PLBD1: variants seen among roughly 807,000 people sequenced by gnomAD.
PLBD1 encodes lysosomal leucine aminopeptidase.
Under a neutral mutation model 63.0 loss-of-function variants are expected in PLBD1, and 60 were observed. The ratio of observed to expected loss-of-function variants is 0.95; its 90% CI spans 0.77 to 1.18. The LOEUF (loss-of-function observed/expected upper bound fraction) is 1.18, where lower values mean the gene tolerates loss of function less well. Among genes scored for constraint, PLBD1 ranks in the 50% most tolerant of loss-of-function variants. The pLI is 0.00. For synonymous variants in PLBD1, 262 were observed against 248.0 expected (o/e 1.06, Z -0.53); for missense variants, 598 against 677.9 (o/e 0.88, Z 1.31).
chr12:14,563,947 T>G (rs1198157841), intron 1 of PLBD1, among the ~76,000 whole-genome samples: 2 of 152,224 alleles, frequency 1.3e-5, no homozygotes, highest in Non-Finnish European at 2.9e-5. Flanking sequence ...GAAATAAGAA[T>G]GTCCTCAGAG....
intron 8 of PLBD1, among the ~76,000 whole-genome samples, chr12:14,508,062 A>G (rs1427624565): frequency 6.6e-6 from 1 of 152,214 alleles, no homozygotes; most frequent in Non-Finnish European, 1.5e-5. Context: ...AGAAAATGAT[A>G]AGACATTCAG....
intron 2 of PLBD1, among the ~76,000 whole-genome samples, chr12:14,545,025 C>T (rs1315583323): frequency 6.6e-6 from 1 of 152,018 alleles, no homozygotes; most frequent in Non-Finnish European, 1.5e-5. Flanking sequence ...CTCTCCCTCT[C>T]TCCCTCCCTC....
intron 6 of PLBD1, among the ~76,000 whole-genome samples, chr12:14,515,281 A>T (rs937319925): frequency 2.0e-5 from 3 of 152,172 alleles, no homozygotes; most frequent in African/African-American, 7.2e-5. Flanking sequence ...GGATTTCTGG[A>T]AAGGTAGAAG....
chr12:14,526,353 C>A (rs911984752), intron 6 of PLBD1, among the ~76,000 whole-genome samples: 1 of 152,154 alleles, frequency 6.6e-6, no homozygotes, highest in Non-Finnish European at 1.5e-5. Flanking sequence ...TACTTAAACC[C>A]GAAAGCAGGA....
In PLBD1 at chr12:14,553,402, A is replaced by G. The variant is rs191106304; in HGVS notation, c.126T>C (p.Tyr42=). The change falls in exon 2 of 11, where the codon TAT becomes TAC. Residue 42 remains tyrosine (Y), a synonymous_variant. Transcript: ENST00000240617. ...AEPPKPAGVY[Y]ATAYWMPAEK... Reference sequence around the variant, plus strand: ...CAGCAGGCATCCAGTATGCAGTTGCATAGTAGACTCCTAGAAGAAAAGGGA... The same window carrying G: ...CAGCAGGCATCCAGTATGCAGTTGCGTAGTAGACTCCTAGAAGAAAAGGGA... The G allele has an allele frequency of 1.2e-5, 20 of 1,613,706 alleles. No individual in the cohort carries two copies. The highest frequency in any genetic ancestry group is 1.2e-4 in the Admixed American group (7 of 59,998).
chr12:14,509,686 T>C (rs1945281600), intron 8 of PLBD1, among the ~76,000 whole-genome samples: 1 of 152,182 alleles, frequency 6.6e-6, no homozygotes, highest in South Asian at 2.1e-4. Context: ...CAGGTCCTGA[T>C]CCCTAGGGTC....
chr12:14,516,020 G>C (rs971691413), intron 6 of PLBD1, among the ~76,000 whole-genome samples: 1 of 151,272 alleles, frequency 6.6e-6, no homozygotes, highest in African/African-American at 2.4e-5. Flanking sequence ...CTGGGCAACA[G>C]AGCGAGACTC....
intron 4 of PLBD1, among the ~76,000 whole-genome samples, chr12:14,540,045 T>TACACACAC (rs1565577593): frequency 8.0e-5 from 5 of 62,704 alleles, no homozygotes; most frequent in African/African-American, 2.3e-4. Context: ...TATATATATA[T>TACACACAC]ATATATATAC....
At chr12:14,542,432 GCA>G (rs916548863) in intron 2 of PLBD1, 141 bp from the exon 3 acceptor site, 4 of 609,452 alleles carry the variant, frequency 6.6e-6, no homozygotes, top group East Asian at 2.8e-5. Context: ...CTTAATAAAT[GCA>G]CAGTTTCAAA....
At chr12:14,517,820 T>C (rs1251849725) in intron 6 of PLBD1, among the ~76,000 whole-genome samples, 2 of 152,340 alleles carry the variant, frequency 1.3e-5, no homozygotes, top group East Asian at 3.9e-4. Context: ...TAGAAGTTAA[T>C]GGTAGACAAC....
chr12:14,525,165 G>A (rs996204878), intron 6 of PLBD1, among the ~76,000 whole-genome samples: 1 of 152,170 alleles, frequency 6.6e-6, no homozygotes, highest in Non-Finnish European at 1.5e-5. Flanking sequence ...GGGAGGCTGA[G>A]GCAGGAGAAT....
intron 2 of PLBD1, among the ~76,000 whole-genome samples, chr12:14,551,320 G>C (rs1049248992): frequency 6.6e-6 from 1 of 152,066 alleles, no homozygotes; most frequent in Non-Finnish European, 1.5e-5. Context: ...CCGAGATTGC[G>C]CCACTGCACT....
chr12:14,533,377 TCTTGGAGATTCAATTGCTCC>T (rs1945482508), intron 6 of PLBD1: 2 of 152,266 alleles, frequency 1.3e-5, no homozygotes, highest in African/African-American at 4.8e-5. Context: ...TCTGTTGCTC[TCTTGGAGATTCAATTGCTCC>T]AAAAAGCTCT....
chr12:14,528,272 A>C (rs1294765180), intron 6 of PLBD1, among the ~76,000 whole-genome samples: 6 of 152,164 alleles, frequency 3.9e-5, no homozygotes, highest in Admixed American at 3.3e-4. Flanking sequence ...CAGAAGTACT[A>C]GAATTTACAT....
intron 2 of PLBD1, among the ~76,000 whole-genome samples, chr12:14,550,722 T>C (rs769318261): frequency 4.6e-5 from 7 of 151,858 alleles, no homozygotes; most frequent in Non-Finnish European, 1.0e-4. Context: ...CTACTAAAAA[T>C]ACAAAATTAG....
chr12:14,563,616 A>G (rs1451819525), intron 1 of PLBD1, among the ~76,000 whole-genome samples: 1 of 152,142 alleles, frequency 6.6e-6, no homozygotes, highest in Non-Finnish European at 1.5e-5. Flanking sequence ...GAGAAAAACA[A>G]CTTCAGTGGC....
intron 7 of PLBD1, 47 bp from the exon 8 acceptor site, chr12:14,511,447 T>C: frequency 1.2e-6 from 2 of 1,613,760 alleles, no homozygotes; most frequent in Non-Finnish European, 1.7e-6. Context: ...ATGACTTTAC[T>C]GGTTAACAAG....
Position 14,506,988 on chromosome 12 carries a change from A to C in PLBD1, c.1317T>G (p.Arg439=). The C allele has an allele frequency of 6.2e-7, 1 of 1,614,114 alleles. No homozygotes were observed. The highest frequency in any genetic ancestry group is 8.5e-7 in the Non-Finnish European group (1 of 1,180,002). The change falls in exon 9 of 11, where the codon CGT becomes CGG. Residue 439 remains arginine, a synonymous_variant. Transcript: ENST00000240617. ...CCGTATCAGTCACTTTCCCTTGGTC[A>C]CGCCGGAAAATTTTGGCTCGTGGAG... ...DLAPRAKIFR[R]DQGKVTDTAS...
At position 14,560,720 on chromosome 12, in the gene PLBD1, C is replaced by G. The variant is rs142179985; in HGVS notation, c.115+6862G>C. Among the ~76,000 whole-genome samples the G allele has an allele frequency of 4.8e-4, 73 of 152,318 alleles. 1 individual carries two copies. In the East Asian group the frequency reaches 0.014, roughly 29 times the overall value. Reference sequence around the variant, plus strand: ...GCAAGTAGGTGTTTAAGCCTTGGCTCTCTCCAGATATCAGAGACTAAGATG... The same window carrying G: ...GCAAGTAGGTGTTTAAGCCTTGGCTGTCTCCAGATATCAGAGACTAAGATG... On this transcript the variant is annotated intron_variant, in intron 1 of 10. Transcript: ENST00000240617.
Sources: gnomAD v4.1 joint callset for allele counts (sites outside exome capture counted in the v4.1 genomes callset) on GRCh38, gnomAD v4.1.1 for gene constraint, MANE v1.5 for transcripts, NCBI Gene and HGNC (gene_info 2026-07-23, HGNC 2026-07-21) for gene names.